Variants in RASAL2 observed in about 807,000 individuals in gnomAD.
RASAL2 encodes ras GTPase-activating protein nGAP.
A neutral mutation model predicts 128.9 loss-of-function variants in RASAL2; 58 were observed. That is an observed-to-expected ratio of 0.45 (90% CI 0.36 to 0.56). The LOEUF is 0.56. Ranked by LOEUF, RASAL2 falls within the 20% of genes least tolerant of loss-of-function variation. The pLI, the probability that RASAL2 is intolerant of heterozygous loss-of-function variation, is 0.00. For missense variants in RASAL2, 1,360 were observed against 1,601.6 expected, an observed-to-expected ratio of 0.85 and a Z score of 2.57; for synonymous variants, 561 against 580.8, an observed-to-expected ratio of 0.97 and a Z score of 0.49.
chr1:178,313,320 T>G (rs1416681441), intron 3 of RASAL2, among the ~76,000 whole-genome samples: 2 of 152,144 alleles, frequency 1.3e-5, no homozygotes, highest in African/African-American at 2.4e-5. Context: ...AATTTTAAAG[T>G]ATCAACAAAG....
chr1:178,184,527 C>T (rs1282081249), intron 1 of RASAL2, among the ~76,000 whole-genome samples: 1 of 151,866 alleles, frequency 6.6e-6, no homozygotes, highest in Non-Finnish European at 1.5e-5. Context: ...TGTTTAGGTT[C>T]ATAGTTTTAC....
At chr1:178,256,026 G>A (rs1010221425) in intron 1 of RASAL2, among the ~76,000 whole-genome samples, 2 of 152,182 alleles carry the variant, frequency 1.3e-5, no homozygotes, top group Admixed American at 1.3e-4. Flanking sequence ...CAAGAAGGCT[G>A]AAGTGGCTAT....
intron 3 of RASAL2, among the ~76,000 whole-genome samples, chr1:178,388,997 A>G (rs1163870142): frequency 4.6e-5 from 7 of 152,210 alleles, no homozygotes; most frequent in Middle Eastern, 3.2e-3. Flanking sequence ...AGCAAGACAC[A>G]GAGAGGGAGC....
intron 5 of RASAL2, among the ~76,000 whole-genome samples, chr1:178,437,773 A>AC (rs1157254371): frequency 6.6e-6 from 1 of 152,128 alleles, no homozygotes; most frequent in Non-Finnish European, 1.5e-5. Context: ...AATCTTTCTA[A>AC]CATTTAATTA....
intron 1 of RASAL2, among the ~76,000 whole-genome samples, chr1:178,131,146 A>T (rs913883832): frequency 1.3e-5 from 2 of 152,052 alleles, no homozygotes; most frequent in Non-Finnish European, 2.9e-5. Flanking sequence ...AATTCCAAAT[A>T]ATTAGAGTAA....
intron 4 of RASAL2, 145 bp from the exon 5 acceptor site, chr1:178,420,366 T>C: frequency 2.0e-6 from 1 of 490,410 alleles, no homozygotes; most frequent in Non-Finnish European, 3.5e-6. Context: ...CAAGTGACTA[T>C]TATTTACAAA....
intron 1 of RASAL2, among the ~76,000 whole-genome samples, chr1:178,242,140 A>C (rs1373626685): frequency 1.3e-5 from 2 of 152,118 alleles, no homozygotes; most frequent in East Asian, 3.9e-4. Context: ...ACATTTTACT[A>C]CTCTGAGTAA....
At chr1:178,272,737 G>A (rs1457395456) in intron 1 of RASAL2, among the ~76,000 whole-genome samples, 1 of 152,122 alleles carries the variant, frequency 6.6e-6, no homozygotes, top group Non-Finnish European at 1.5e-5. Flanking sequence ...AGACCAGCCT[G>A]GCCAACATGG....
At chr1:178,150,966 T>C (rs758594288) in intron 1 of RASAL2, among the ~76,000 whole-genome samples, 1 of 152,174 alleles carries the variant, frequency 6.6e-6, no homozygotes, top group Non-Finnish European at 1.5e-5. Context: ...AATGGTGCCA[T>C]ATGAAGTGCT....
chr1:178,122,907 G>T (rs2102278991), intron 1 of RASAL2: 1 of 151,308 alleles, frequency 6.6e-6, no homozygotes. Context: ...TTAATTTTTA[G>T]ATCTTAGATG....
Position 178,300,116 on chromosome 1 carries a change from T to C in RASAL2, c.455T>C (p.Leu152Pro), listed in dbSNP as rs1667700865. 6.2e-7 allele frequency: 1 copy of C among 1,607,094 alleles called. No homozygotes were observed. Among genetic ancestry groups the C allele is most frequent in the Non-Finnish European group, 8.5e-7 (1 of 1,178,036 alleles). The change falls in exon 3 of 18, where the codon CTG (leucine) becomes CCG (proline). Residue 152 changes from leucine (L) to proline (P), a missense_variant and splice_region_variant. Transcript: ENST00000367649. ...TACCCACCAGAGGGCGCCACTAAACTGGGTAAGCTACTATGAAAAGGAAAT... is the reference window on the plus strand; with the variant it reads ...TACCCACCAGAGGGCGCCACTAAACCGGGTAAGCTACTATGAAAAGGAAAT... ...PEYPPEGATK[L>P]EVPAERSPRR...
chr1:178,394,828 A>C (rs1673118440), intron 4 of RASAL2, among the ~76,000 whole-genome samples: 1 of 152,210 alleles, frequency 6.6e-6, no homozygotes. Context: ...AAGCATTCCC[A>C]ATCAAATAAA....
At chr1:178,409,218 A>G (rs1674197193) in intron 4 of RASAL2, among the ~76,000 whole-genome samples, 1 of 152,174 alleles carries the variant, frequency 6.6e-6, no homozygotes, top group African/African-American at 2.4e-5. Context: ...ATCTGAGGAC[A>G]CACTGCATAT....
intron 3 of RASAL2, among the ~76,000 whole-genome samples, chr1:178,332,760 C>T (rs866110640): frequency 1.3e-5 from 2 of 150,504 alleles, no homozygotes; most frequent in African/African-American, 2.4e-5. Context: ...TACAGGTGCC[C>T]GCCACCACGC....
chr1:178,248,978 C>A (rs751761073), intron 1 of RASAL2, among the ~76,000 whole-genome samples: 10 of 152,108 alleles, frequency 6.6e-5, no homozygotes, highest in Non-Finnish European at 1.0e-4. Context: ...AACATTTTTT[C>A]CTTCATTTCA....
At chr1:178,349,208 C>T (rs867389227) in intron 3 of RASAL2, among the ~76,000 whole-genome samples, 1 of 146,030 alleles carries the variant, frequency 6.8e-6, no homozygotes, top group South Asian at 2.2e-4. Flanking sequence ...ATCACCAGGT[C>T]AGGAGATCGA....
chr1:178,309,518 A>G lies in RASAL2; in HGVS notation c.457+9400A>G, dbSNP rs188573518. Among the ~76,000 whole-genome samples, 1,409 of 152,300 alleles carry G rather than the reference A, an allele frequency of 9.3e-3. 7 individuals are homozygous for G. Among genetic ancestry groups the G allele is most frequent in the Non-Finnish European group, 0.016 (1,087 of 68,016 alleles). On this transcript the variant is annotated intron_variant, in intron 3 of 17. Coordinates refer to ENST00000367649, the MANE Select transcript of RASAL2 (RefSeq NM_170692.4). ...GTAGTTTTGGGTTTTCTTAAAAACC[A>G]TGAGTGACTATATATTTATTCTTTG...
At chr1:178,096,210 C>T (rs1658675862) in intron 1 of RASAL2, among the ~76,000 whole-genome samples, 1 of 152,068 alleles carries the variant, frequency 6.6e-6, no homozygotes, top group Non-Finnish European at 1.5e-5. Context: ...CAACGTTTTC[C>T]CATTCTATCA....
At chr1:178,393,871 G>A (rs1369570563) in intron 4 of RASAL2, among the ~76,000 whole-genome samples, 6 of 152,152 alleles carry the variant, frequency 3.9e-5, no homozygotes, top group South Asian at 2.1e-4. Context: ...GACCAGAATC[G>A]AACGAGTTTA....
Sources: gnomAD v4.1 joint callset for allele counts (sites outside exome capture counted in the v4.1 genomes callset) on GRCh38, gnomAD v4.1.1 for gene constraint, MANE v1.5 for transcripts, NCBI Gene and HGNC (gene_info 2026-07-23, HGNC 2026-07-21) for gene names.